The following PLXND1 variants were observed in gnomAD, a reference collection of about 807,000 sequenced individuals.
The protein encoded by PLXND1 is plexin D1.
Under a neutral mutation model 197.7 loss-of-function variants are expected in PLXND1, and 54 were observed. The observed-to-expected ratio is 0.27, with a 90% CI of 0.22 to 0.34. The LOEUF (loss-of-function observed/expected upper bound fraction) is 0.34, where lower values mean the gene tolerates loss of function less well. Among genes scored for constraint, PLXND1 ranks in the 10% least tolerant of loss-of-function variants. PLXND1 has a pLI of 1.00. For missense variants in PLXND1, 2,127 were observed against 2,699.2 expected, an observed-to-expected ratio of 0.79 and a Z score of 4.70; for synonymous variants, 1,180 against 1,161.2, an observed-to-expected ratio of 1.02 and a Z score of -0.33.
At chr3:129,562,697 T>G in intron 27 of PLXND1, 90 bp downstream of exon 27, 1 of 1,231,710 alleles carries the variant, frequency 8.1e-7, no homozygotes, top group Non-Finnish European at 1.1e-6. Flanking sequence ...CATGCACCCA[T>G]GCCAGGTGAA....
chr3:129,585,949 C>T lies in PLXND1; in HGVS notation c.1851+3G>A. On this transcript the variant is annotated splice_donor_region_variant and intron_variant, in intron 5 of 35. Coordinates refer to ENST00000324093, the MANE Select transcript of PLXND1 (RefSeq NM_015103.3). ...GCTGGGTCTTGCCTCCCCCAGGACT[C>T]ACTGGGTACTCCTGGCGCACATCGA... is the stretch of plus-strand genomic sequence containing the variant. 6.2e-7 allele frequency: 1 copy of T among 1,613,972 alleles called. No individual in the cohort carries two copies. Among genetic ancestry groups the T allele is most frequent in the South Asian group, 1.1e-5 (1 of 91,054 alleles).
chr3:129,558,711 G>C lies in PLXND1; in HGVS notation c.5298-136C>G. On this transcript the variant is annotated intron_variant, in intron 32 of 35. Coordinates refer to ENST00000324093, the MANE Select transcript of PLXND1 (RefSeq NM_015103.3). The surrounding 1 kb of genome is among the most constrained non-coding windows in gnomAD (Gnocchi z 4.1). ...CCTTGTCACAAGATGTGACCTTTGG[G>C]AACCTTAGTTTGCCTATCCCTGGCC... is the stretch of plus-strand genomic sequence containing the variant. 1 of 867,242 alleles carries C rather than the reference G, an allele frequency of 1.2e-6. No homozygotes were observed. Among genetic ancestry groups the C allele is most frequent in the Non-Finnish European group, 1.8e-6 (1 of 567,490 alleles). The allele number at this position is 867,242 out of a possible 1,614,324, so 53.7% of individuals were successfully genotyped here.
chr3:129,560,427 G>A lies in PLXND1; in HGVS notation c.5036C>T (p.Pro1679Leu). ...CTTGGGCTCCGCCAGCTCGTCCGTA[G>A]GCAGCACCTGGGAGGCCGGGCAGTG... ...DTEKYFHLVL[P>L]TDELAEPKKS... Residue 1679 changes from proline to leucine, a missense_variant, in exon 31 of 36, where the codon CCT becomes CTT. By Grantham distance (98) the Pro-to-Leu change is moderately conservative. Coordinates refer to ENST00000324093, the MANE Select transcript of PLXND1 (RefSeq NM_015103.3). 1 of 1,611,920 alleles carries A rather than the reference G, an allele frequency of 6.2e-7. No homozygotes were observed. Among genetic ancestry groups the A allele is most frequent in the Non-Finnish European group, 8.5e-7 (1 of 1,178,182 alleles).
intron 8 of PLXND1, 56 bp downstream of exon 8, chr3:129,583,509 ATT>A: frequency 1.8e-6 from 2 of 1,126,396 alleles, no homozygotes; most frequent in East Asian, 4.9e-5. Flanking sequence ...CAACATGTGA[ATT>A]TTTTAAAAAA....
chr3:129,588,410 G>A lies in PLXND1; in HGVS notation c.1488+941C>T, dbSNP rs555333851. ...TTCCCAAGCCAGGACACTGAGGCTC[G>A]CAGGGGAGAAGAAACTGGCCCCAAG... On this transcript the variant is annotated intron_variant, in intron 2 of 35. Coordinates refer to ENST00000324093, the MANE Select transcript of PLXND1 (RefSeq NM_015103.3). Among the ~76,000 whole-genome samples the A allele has an allele frequency of 6.6e-5, 10 of 151,048 alleles. No homozygotes were observed. The South Asian group carries it at 1.1e-3, about 16-fold the overall frequency.
intron 29 of PLXND1, chr3:129,561,041 C>G (rs766694823): frequency 1.9e-6 from 1 of 521,434 alleles, no homozygotes. Context: ...CACACAGTGA[C>G]CCGGGATGGA....
At chr3:129,573,137 G>C (rs527299942) in intron 13 of PLXND1, among the ~76,000 whole-genome samples, 196 bp from the exon 14 acceptor site, 3 of 152,184 alleles carry the variant, frequency 2.0e-5, no homozygotes, top group African/African-American at 7.2e-5. Context: ...TCATGAGAAC[G>C]TCTGCTGGGC....
intron 7 of PLXND1, 113 bp from the exon 8 acceptor site, chr3:129,583,782 C>T: frequency 1.4e-6 from 1 of 703,378 alleles, no homozygotes; most frequent in Non-Finnish European, 2.5e-6. Context: ...TCTTTCTCAT[C>T]ATCGGGGCTG....
chr3:129,596,413 C>T (rs1172482416), intron 1 of PLXND1, among the ~76,000 whole-genome samples: 1 of 152,180 alleles, frequency 6.6e-6, no homozygotes, highest in East Asian at 1.9e-4. Context: ...ACACCCAGCT[C>T]CCCCTTCATG....
rs768217642 is a variant in PLXND1 at position 129,563,136 on chromosome 3, A to G, written c.4626T>C (p.Ser1542=). 3 of 1,613,444 alleles carry G rather than the reference A, an allele frequency of 1.9e-6. No homozygotes were observed. The African/African-American group carries it at 4.0e-5, about 22-fold the overall frequency. ...AITGKARYTL[S]EEWLLRENIE... Reference sequence around the variant, plus strand: ...TGTTCTCCCGCAGCAGCCACTCCTCACTGAGTGTGTAGCGGGCCTTGCCTG... The same window carrying G: ...TGTTCTCCCGCAGCAGCCACTCCTCGCTGAGTGTGTAGCGGGCCTTGCCTG... Residue 1542 remains serine, a synonymous_variant, in exon 26 of 36, where the codon AGT becomes AGC. Coordinates refer to ENST00000324093, the MANE Select transcript of PLXND1 (RefSeq NM_015103.3).
At position 129,571,847 on chromosome 3, in the gene PLXND1, G is replaced by A. The variant is rs763799348; in HGVS notation, c.3078-3C>T. The A allele has an allele frequency of 1.9e-5, 31 of 1,605,654 alleles. No homozygotes were observed. Among genetic ancestry groups the A allele is most frequent in the Non-Finnish European group, 2.6e-5 (31 of 1,176,214 alleles). ...AGGCGATGCTGGTATCTGTGCGCCT[G>A]GGGGGAGCAGCAGGTTATCAGCAGG... On this transcript the variant is annotated splice_region_variant and splice_polypyrimidine_tract_variant and intron_variant, in intron 15 of 35. Coordinates refer to ENST00000324093, the MANE Select transcript of PLXND1 (RefSeq NM_015103.3).
At chr3:129,594,802 C>T (rs2085596430) in intron 1 of PLXND1, among the ~76,000 whole-genome samples, 1 of 152,008 alleles carries the variant, frequency 6.6e-6, no homozygotes, top group Non-Finnish European at 1.5e-5. Context: ...TATACAGGAA[C>T]TGTCTGTACT....
In PLXND1 at chr3:129,586,289, G is replaced by A. The variant is rs771994261; in HGVS notation, c.1621-17C>T. The A allele has an allele frequency of 1.4e-5, 22 of 1,541,412 alleles. No individual in the cohort carries two copies. The highest frequency in any genetic ancestry group is 1.2e-4 in the South Asian group (10 of 85,648). ...CCTGGCCATCTGGGGGCAGAGGTGG[G>A]GGCCCAGCTCAATGGGACTGCCAGC... is the stretch of plus-strand genomic sequence containing the variant. On this transcript the variant is annotated splice_polypyrimidine_tract_variant and intron_variant, in intron 3 of 35. Transcript: ENST00000324093.
In PLXND1 at chr3:129,558,371, T is replaced by C; in HGVS notation, c.5445+57A>G. 6.5e-7 allele frequency: 1 copy of C among 1,544,836 alleles called. No homozygotes were observed. On this transcript the variant is annotated intron_variant, in intron 33 of 35. Coordinates refer to ENST00000324093, the MANE Select transcript of PLXND1 (RefSeq NM_015103.3). The surrounding 1 kb of genome is among the most constrained non-coding windows in gnomAD (Gnocchi z 4.1). Reference sequence around the variant, plus strand: ...AGAGAGTCGAGGAGGCTACCCATGGTCGGCACCCCACTCTGGCCCTGTGCA... The same window carrying C: ...AGAGAGTCGAGGAGGCTACCCATGGCCGGCACCCCACTCTGGCCCTGTGCA...
rs1173107549 is a variant in PLXND1 at position 129,574,510 on chromosome 3, C to A, written c.2531-20G>T. 6 of 1,608,664 alleles carry A rather than the reference C, an allele frequency of 3.7e-6. No individual in the cohort carries two copies. In the African/African-American group the frequency reaches 8.0e-5, roughly 21 times the overall value. On this transcript the variant is annotated intron_variant, in intron 11 of 35. Coordinates refer to ENST00000324093, the MANE Select transcript of PLXND1 (RefSeq NM_015103.3). Reference sequence around the variant, plus strand: ...CCATGACTGGGGAGACACGGGGCAGCTCGGTCAGCCCCGCTCTGCGGTGCA... The same window carrying A: ...CCATGACTGGGGAGACACGGGGCAGATCGGTCAGCCCCGCTCTGCGGTGCA...
chr3:129,574,281 G>A lies in PLXND1; in HGVS notation c.2685+55C>T, dbSNP rs1004183127. The A allele has an allele frequency of 1.2e-4, 185 of 1,504,400 alleles. No homozygotes were observed. The East Asian group carries it at 4.5e-3, about 37-fold the overall frequency. 93.2% of individuals were successfully genotyped at this position (1,504,400 alleles called of 1,614,324 possible). On this transcript the variant is annotated intron_variant, in intron 12 of 35. Coordinates refer to ENST00000324093, the MANE Select transcript of PLXND1 (RefSeq NM_015103.3). ...AAGAAGTGGGACCCTCGAGGGCACT[G>A]CGCATGCGCCGTGCCGGAGTGCGGG... is the stretch of plus-strand genomic sequence containing the variant.
rs1364360970 is a variant in PLXND1, at chr3:129,559,609, C to A, written c.5297+11G>T. ...GCACAGTGAAGTCCACACGGCCCCC[C>A]CACCCGCCACCTGTTGGTCTTCCAG... On this transcript the variant is annotated intron_variant, in intron 32 of 35. Transcript: ENST00000324093. The A allele has an allele frequency of 1.1e-5, 17 of 1,587,626 alleles. No homozygotes were observed. Among genetic ancestry groups the A allele is most frequent in the Non-Finnish European group, 1.3e-5 (15 of 1,165,930 alleles).
At chr3:129,580,415 G>A (rs1352966175) in intron 8 of PLXND1, among the ~76,000 whole-genome samples, 1 of 152,154 alleles carries the variant, frequency 6.6e-6, no homozygotes, top group African/African-American at 2.4e-5. Flanking sequence ...TAAACCCCAC[G>A]GAATCCGAGG....
chr3:129,569,907 G>GC lies in PLXND1; in HGVS notation c.3800dup (p.Ser1268GlnfsTer34). On this transcript the variant is annotated frameshift_variant, in exon 20 of 36. Coordinates refer to ENST00000324093, the MANE Select transcript of PLXND1 (RefSeq NM_015103.3). LOFTEE classifies it high-confidence loss of function. ...TGGACACGATGATGGCCGTCTCGCT[G>GC]CCCCCCAGCTGCAGTGTGGCGATGG... The GC allele has an allele frequency of 6.2e-7, 1 of 1,613,394 alleles. No homozygotes were observed. The highest frequency in any genetic ancestry group is 8.5e-7 in the Non-Finnish European group (1 of 1,179,458).
Sources: allele counts gnomAD v4.1 joint callset (sites outside exome capture counted in the v4.1 genomes callset), GRCh38; gene constraint gnomAD v4.1.1; non-coding constraint Gnocchi (gnomAD v3.1); transcripts MANE v1.5; gene names NCBI Gene and HGNC (gene_info 2026-07-23, HGNC 2026-07-21).